The following UNC5C variants were observed in gnomAD, a reference collection of about 807,000 sequenced individuals.
The protein encoded by UNC5C is netrin receptor UNC5C.
In UNC5C, 47 loss-of-function variants were observed where a neutral mutation model predicts 99.8. The observed-to-expected ratio is 0.47, with a 90% CI of 0.37 to 0.60. The LOEUF (loss-of-function observed/expected upper bound fraction) is 0.60, where lower values mean the gene tolerates loss of function less well. Ranked by LOEUF, UNC5C falls within the 20% of genes least tolerant of loss-of-function variation. The pLI is 0.00. For missense variants in UNC5C, 1,062 were observed against 1,165.9 expected (o/e 0.91, Z 1.30); for synonymous variants, 487 against 452.2 (o/e 1.08, Z -0.98).
chr4:95,507,728 T>A (rs1721962407), intron 1 of UNC5C, among the ~76,000 whole-genome samples: 1 of 152,028 alleles, frequency 6.6e-6, no homozygotes, highest in Non-Finnish European at 1.5e-5. Context: ...AATTCTAGTA[T>A]GCTGACATCA....
chr4:95,284,219 CA>C (rs1051813646), intron 3 of UNC5C, among the ~76,000 whole-genome samples: 20 of 151,762 alleles, frequency 1.3e-4, no homozygotes, highest in African/African-American at 4.8e-4. Flanking sequence ...TGCTTTTTGA[CA>C]AAAAAATGCA....
chr4:95,298,718 C>G (rs1222567176), intron 3 of UNC5C, among the ~76,000 whole-genome samples: 1 of 152,112 alleles, frequency 6.6e-6, no homozygotes, highest in Non-Finnish European at 1.5e-5. Context: ...TTTGCCTTTC[C>G]TCACCACAAC....
chr4:95,231,357 T>C lies in UNC5C; in HGVS notation c.1108+11072A>G, dbSNP rs190157306. Among the ~76,000 whole-genome samples, 499 of 152,254 alleles carry C rather than the reference T, an allele frequency of 3.3e-3. 2 individuals are homozygous for C. Among genetic ancestry groups the C allele is most frequent in the Admixed American group, 7.8e-3 (120 of 15,294 alleles). On this transcript the variant is annotated intron_variant, in intron 7 of 15. Coordinates refer to ENST00000453304, the MANE Select transcript of UNC5C (RefSeq NM_003728.4). Reference sequence around the variant, plus strand: ...ATGATAGATTCATATCTTATGGGGGTGGCTAGGATGCAAGTTATGCATATG... The same window carrying C: ...ATGATAGATTCATATCTTATGGGGGCGGCTAGGATGCAAGTTATGCATATG...
intron 7 of UNC5C, among the ~76,000 whole-genome samples, chr4:95,229,003 C>A (rs540940343): frequency 1.4e-4 from 21 of 152,102 alleles, no homozygotes; most frequent in Non-Finnish European, 2.2e-4. Flanking sequence ...AATCACATTG[C>A]ATTTGGCATA....
chr4:95,349,431 G>A (rs189364531), intron 1 of UNC5C, among the ~76,000 whole-genome samples: 7 of 146,136 alleles, frequency 4.8e-5, no homozygotes, highest in Non-Finnish European at 9.1e-5. Flanking sequence ...GTAAAACCTA[G>A]AAGCTGATGC....
intron 2 of UNC5C, among the ~76,000 whole-genome samples, chr4:95,315,037 A>T (rs992793095): frequency 7.2e-5 from 11 of 152,152 alleles, no homozygotes; most frequent in Admixed American, 4.6e-4. Flanking sequence ...TTGTGTATCT[A>T]AAAAAATGTC....
rs543203262 is a variant in UNC5C, at chr4:95,542,333, G to A, written c.124+6401C>T. Among the ~76,000 whole-genome samples the A allele has an allele frequency of 6.2e-4, 94 of 152,246 alleles. 1 individual carries two copies. The Middle Eastern group carries it at 0.017, about 28-fold the overall frequency. The stretch of plus-strand genomic sequence containing the variant: ...AAAGAGGGTATTCACCAAACATGGG[G>A]ATTTTCAGATGTTATACTTCACTTT... On this transcript the variant is annotated intron_variant, in intron 1 of 15. Coordinates refer to ENST00000453304, the MANE Select transcript of UNC5C (RefSeq NM_003728.4).
chr4:95,368,239 G>A (rs1744632362), intron 1 of UNC5C, among the ~76,000 whole-genome samples: 1 of 147,146 alleles, frequency 6.8e-6, no homozygotes, highest in South Asian at 2.1e-4. Context: ...ATAAGTCTAT[G>A]TGCTTTTCCT....
intron 1 of UNC5C, among the ~76,000 whole-genome samples, chr4:95,448,225 TGTGAGAGA>T (rs1352244942): frequency 9.5e-5 from 10 of 105,672 alleles, no homozygotes; most frequent in African/African-American, 1.5e-4. Context: ...TGTGTGTGTG[TGTGAGAGA>T]GAGAGAGAGA....
chr4:95,449,672 T>C (rs1479405893), intron 1 of UNC5C, among the ~76,000 whole-genome samples: 4 of 152,184 alleles, frequency 2.6e-5, no homozygotes, highest in African/African-American at 9.7e-5. Flanking sequence ...AATGTGAAAT[T>C]CTGCAACGTT....
intron 1 of UNC5C, among the ~76,000 whole-genome samples, chr4:95,505,670 T>C (rs1293416957): frequency 6.6e-6 from 1 of 152,094 alleles, no homozygotes; most frequent in Non-Finnish European, 1.5e-5. Flanking sequence ...TTCTAGAAAC[T>C]TTCATGCTCT....
chr4:95,339,691 T>C (rs1552225), intron 1 of UNC5C, among the ~76,000 whole-genome samples: 65,397 of 151,906 alleles, frequency 0.43, 14,605 homozygotes, highest in East Asian at 0.7. Context: ...GCCACAGGTA[T>C]CCCAAATTAT....
chr4:95,354,481 T>TATATATATA lies in UNC5C; in HGVS notation c.125-18851_125-18850insTATATATAT, dbSNP rs1274789806. The stretch of plus-strand genomic sequence containing the variant: ...ACCTAACTCTTCCATATATATATAT[T>TATATATATA]TTTTTTTTTTTTTTAAGAGACAGGG... On this transcript the variant is annotated intron_variant, in intron 1 of 15. Transcript: ENST00000453304. Among the ~76,000 whole-genome samples, 81 of 99,684 alleles carry TATATATATA rather than the reference T, an allele frequency of 8.1e-4. 1 individual carries two copies. Among genetic ancestry groups the TATATATATA allele is most frequent in the African/African-American group, 3.0e-3 (68 of 22,612 alleles). 65.4% of individuals were successfully genotyped at this position (99,684 alleles called of 152,430 possible).
Position 95,292,236 on chromosome 4 carries a change from C to CATATATAT in UNC5C, c.490+9362_490+9369dup, listed in dbSNP as rs71583696. ...ATATATACACACACACACACACACA[C>CATATATAT]ATATATATATATATATATATATATA... On this transcript the variant is annotated intron_variant, in intron 3 of 15. Coordinates refer to ENST00000453304, the MANE Select transcript of UNC5C (RefSeq NM_003728.4). Among the ~76,000 whole-genome samples the CATATATAT allele has an allele frequency of 1.7e-3, 149 of 88,728 alleles. 1 individual carries two copies. The highest frequency in any genetic ancestry group is 2.8e-3 in the Non-Finnish European group (122 of 43,874). 58.2% of individuals were successfully genotyped at this position (88,728 alleles called of 152,430 possible). A position where few individuals can be genotyped will look rare whatever the true frequency, so the allele number is the denominator to read the frequency against.
At chr4:95,271,447 T>C (rs1452539437) in intron 4 of UNC5C, among the ~76,000 whole-genome samples, 1 of 152,070 alleles carries the variant, frequency 6.6e-6, no homozygotes, top group African/African-American at 2.4e-5. Context: ...GCCAGGATGG[T>C]CTCGATCTCC....
intron 1 of UNC5C, among the ~76,000 whole-genome samples, chr4:95,499,255 G>A (rs1194638014): frequency 6.6e-6 from 1 of 152,042 alleles, no homozygotes; most frequent in African/African-American, 2.4e-5. Flanking sequence ...ACACCCTTAG[G>A]CAACTGCAGA....
At chr4:95,182,793 G>C in intron 14 of UNC5C, 104 bp downstream of exon 14, 1 of 1,274,758 alleles carries the variant, frequency 7.8e-7, no homozygotes, top group Admixed American at 2.4e-5. Context: ...AAGCTTTTGA[G>C]GACTTCCCAT....
At chr4:95,305,887 C>T (rs1742043990) in intron 2 of UNC5C, among the ~76,000 whole-genome samples, 1 of 152,080 alleles carries the variant, frequency 6.6e-6, no homozygotes, top group South Asian at 2.1e-4. Flanking sequence ...ATGAATATGG[C>T]AATAAGACCT....
At chr4:95,529,381 T>G (rs1722581771) in intron 1 of UNC5C, among the ~76,000 whole-genome samples, 1 of 148,486 alleles carries the variant, frequency 6.7e-6, no homozygotes, top group Non-Finnish European at 1.5e-5. Context: ...AAAAAATATA[T>G]ATATACAAAG....
Sources: gnomAD v4.1 joint callset for allele counts (sites outside exome capture counted in the v4.1 genomes callset) on GRCh38, gnomAD v4.1.1 for gene constraint, MANE v1.5 for transcripts, NCBI Gene and HGNC (gene_info 2026-07-23, HGNC 2026-07-21) for gene names.